Variants in PRUNE1 observed in about 807,000 individuals in gnomAD.
PRUNE1 encodes exopolyphosphatase PRUNE1.
A neutral mutation model predicts 42.5 loss-of-function variants in PRUNE1; 25 were observed. That is an observed-to-expected ratio of 0.59 (90% CI 0.43 to 0.82). PRUNE1 has a LOEUF of 0.82. Among genes scored for constraint, PRUNE1 ranks in the 40% least tolerant of loss-of-function variants. PRUNE1 has a pLI of 0.00. For synonymous variants in PRUNE1, 203 were observed against 217.1 expected, an observed-to-expected ratio of 0.93 and a Z score of 0.57; for missense variants, 443 against 539.3, an observed-to-expected ratio of 0.82 and a Z score of 1.77.
In PRUNE1 at chr1:151,030,708, A is replaced by G. The variant is rs1009110106; in HGVS notation, c.933+1764A>G. ...ACCATGTTAGCCAGGCAGGTCTCGA[A>G]CTCCTGACCTCAAGTGATCCACCTG... On this transcript the variant is annotated intron_variant, in intron 7 of 7. Transcript: ENST00000271620. 1.3e-5 allele frequency among the ~76,000 whole-genome samples: 2 copies of G among 151,966 alleles called. 1 individual carries two copies.
intron 2 of PRUNE1, 85 bp downstream of exon 2, chr1:151,017,989 G>C (rs587595279): frequency 4.9e-6 from 4 of 811,970 alleles, no homozygotes; most frequent in Admixed American, 4.7e-5. Flanking sequence ...CCACTTACCA[G>C]CATTTAGCAT....
chr1:151,008,538 T>A lies in PRUNE1; in HGVS notation c.-95T>A. 1 of 1,490,810 alleles carries A rather than the reference T, an allele frequency of 6.7e-7. No individual in the cohort carries two copies. Among genetic ancestry groups the A allele is most frequent in the Non-Finnish European group, 9.4e-7 (1 of 1,068,328 alleles). The allele number at this position is 1,490,810 out of a possible 1,614,324, so 92.3% of individuals were successfully genotyped here. ...CCTCCTGACTCTGGCCTCTAGTCCC[T>A]GAGTCCCGGGCGGGCTGCATTCGTC... On this transcript the variant is annotated 5_prime_UTR_variant, in exon 1 of 8. Transcript: ENST00000271620.
At chr1:151,028,509 C>A (rs1247794725) in intron 6 of PRUNE1, among the ~76,000 whole-genome samples, 1 of 151,802 alleles carries the variant, frequency 6.6e-6, no homozygotes, top group Non-Finnish European at 1.5e-5. Flanking sequence ...CTGCAACTTC[C>A]GCCTCCCTGG....
chr1:151,024,859 G>T, intron 4 of PRUNE1, 64 bp downstream of exon 4: 14 of 1,495,988 alleles, frequency 9.4e-6, no homozygotes, highest in Non-Finnish European at 1.2e-5. Flanking sequence ...AGGGAGGGTG[G>T]AAAAGTCTAG....
chr1:151,029,666 C>T (rs758661446), intron 7 of PRUNE1, among the ~76,000 whole-genome samples: 10 of 151,444 alleles, frequency 6.6e-5, no homozygotes, highest in Non-Finnish European at 1.3e-4. Flanking sequence ...CGCGCCCAGC[C>T]GAGCTGGAAA....
chr1:151,022,500 G>A (rs1409953053), intron 3 of PRUNE1, among the ~76,000 whole-genome samples: 2 of 149,658 alleles, frequency 1.3e-5, no homozygotes, highest in Admixed American at 6.7e-5. Context: ...CTCACTGCAA[G>A]CTCCGCCTCC....
chr1:151,015,332 GAAA>G (rs587767612), intron 1 of PRUNE1, among the ~76,000 whole-genome samples: 1 of 56,416 alleles, frequency 1.8e-5, no homozygotes. Context: ...GACTCCATCT[GAAA>G]AAAAAAAAAA....
intron 1 of PRUNE1, among the ~76,000 whole-genome samples, chr1:151,011,446 T>C (rs1673764257): frequency 6.6e-6 from 1 of 152,200 alleles, no homozygotes; most frequent in Non-Finnish European, 1.5e-5. Flanking sequence ...CAGGACCCCT[T>C]GGATAATGTA....
In PRUNE1 at chr1:151,027,241, A is replaced by G; in HGVS notation, c.688A>G (p.Thr230Ala). 5 of 1,608,516 alleles carry G rather than the reference A, an allele frequency of 3.1e-6. No individual in the cohort carries two copies. The highest frequency in any genetic ancestry group is 4.3e-6 in the Non-Finnish European group (5 of 1,175,080). Residue 230 changes from threonine to alanine, a missense_variant, in exon 6 of 8, where the codon ACT (threonine) becomes GCT (alanine). Transcript: ENST00000271620. The part of the protein sequence containing the change: ...KAKFDVSGLT[T>A]EQMLRKDQKT... ...TCTCATCTGCTTTCTAGGACTGACC[A>G]CTGAGCAGATGCTGAGAAAAGACCA...
chr1:151,033,016 C>T (rs587646856), intron 7 of PRUNE1, among the ~76,000 whole-genome samples: 19 of 151,086 alleles, frequency 1.3e-4, no homozygotes, highest in Admixed American at 6.6e-4. Flanking sequence ...TCAGGTGATC[C>T]GCCCACCTTG....
Position 151,008,663 on chromosome 1 carries a change from GCT to G in PRUNE1, c.34_35del (p.Leu12AlafsTer13). On this transcript the variant is annotated frameshift_variant, in exon 1 of 8. Transcript: ENST00000271620. LOFTEE classifies it high-confidence loss of function. MEDYLQGCRA[A>X]LQESRPLHVV... Reference sequence around the variant, plus strand: ...GGACTACCTGCAGGGTTGTCGAGCTGCTCTGCAGGTAACGAATCCCTGTCTGT... The same window carrying G: ...GGACTACCTGCAGGGTTGTCGAGCTGCTGCAGGTAACGAATCCCTGTCTGT... 1 of 1,614,160 alleles carries G rather than the reference GCT, an allele frequency of 6.2e-7. No individual in the cohort carries two copies. Among genetic ancestry groups the G allele is most frequent in the Non-Finnish European group, 8.5e-7 (1 of 1,179,994 alleles).
rs1242558982 is a variant in PRUNE1 at position 151,018,581 on chromosome 1, T to A, written c.247T>A (p.Leu83Met). Residue 83 changes from leucine to methionine, a missense_variant, in exon 3 of 8, where the codon TTG becomes ATG. Leu to Met is a conservative substitution (Grantham distance 15). Transcript: ENST00000271620. The stretch of plus-strand genomic sequence containing the variant: ...GAAGGTTCATATTCCAGAGAGTATC[T>A]TGATTTTTCGGGATGAGATTGACCT... ...LQKVHIPESI[L>M]IFRDEIDLHA... is the part of the protein sequence containing the mutation. 6.2e-7 allele frequency: 1 copy of A among 1,614,064 alleles called. No individual in the cohort carries two copies. Among genetic ancestry groups the A allele is most frequent in the Non-Finnish European group, 8.5e-7 (1 of 1,180,012 alleles).
chr1:151,023,537 G>A (rs1429015457), intron 3 of PRUNE1, among the ~76,000 whole-genome samples: 4 of 151,732 alleles, frequency 2.6e-5, no homozygotes, highest in East Asian at 1.9e-4. Flanking sequence ...GGCCAATATG[G>A]TGAAACCCCG....
intron 1 of PRUNE1, among the ~76,000 whole-genome samples, chr1:151,010,886 C>T (rs923702710): frequency 1.3e-5 from 2 of 152,058 alleles, no homozygotes; most frequent in Non-Finnish European, 2.9e-5. Context: ...GAACTCCTGA[C>T]CTCAAGTGAT....
At chr1:151,024,532 G>C (rs1018531836) in intron 3 of PRUNE1, 79 bp from the exon 4 acceptor site, 41 of 1,323,712 alleles carry the variant, frequency 3.1e-5, no homozygotes, top group African/African-American at 4.4e-5. Context: ...CTTGATGTGT[G>C]GGGTAGAGGT....
intron 3 of PRUNE1, among the ~76,000 whole-genome samples, chr1:151,018,904 G>C (rs906366051): frequency 7.2e-5 from 11 of 152,068 alleles, no homozygotes; most frequent in African/African-American, 2.4e-4. Context: ...TTAGCTGGGC[G>C]TGGTGGCAAG....
At chr1:151,022,357 G>A (rs1259623238) in intron 3 of PRUNE1, among the ~76,000 whole-genome samples, 4 of 150,528 alleles carry the variant, frequency 2.7e-5, no homozygotes, top group Non-Finnish European at 5.9e-5. Flanking sequence ...TGATCCGCCC[G>A]CCTCAGCCTC....
At chr1:151,008,817 G>T (rs1265969800) in intron 1 of PRUNE1, 146 bp downstream of exon 1, 7 of 1,031,450 alleles carry the variant, frequency 6.8e-6, no homozygotes, top group Non-Finnish European at 1.0e-5. Context: ...CAGTTTTGGG[G>T]CATGAGGAGC....
chr1:151,008,727 G>A, intron 1 of PRUNE1, 56 bp downstream of exon 1: 1 of 1,598,042 alleles, frequency 6.3e-7, no homozygotes, highest in Non-Finnish European at 8.6e-7. Context: ...CAGGAAGGAC[G>A]AAGACGTGGG....
Sources: gnomAD v4.1 joint callset for allele counts (sites outside exome capture counted in the v4.1 genomes callset) on GRCh38, gnomAD v4.1.1 for gene constraint, MANE v1.5 for transcripts, NCBI Gene and HGNC (gene_info 2026-07-23, HGNC 2026-07-21) for gene names.